Variants in TSHZ3 observed in about 807,000 individuals in gnomAD.
TSHZ3 encodes teashirt zinc finger homeobox 3.
In TSHZ3, 10 loss-of-function variants were observed where a neutral mutation model predicts 64.5. The observed-to-expected ratio is 0.16, with a 90% confidence interval of 0.10 to 0.26. TSHZ3 has a LOEUF of 0.26. Among genes scored for constraint, TSHZ3 ranks in the 10% least tolerant of loss-of-function variants. The pLI, the probability that TSHZ3 is intolerant of heterozygous loss-of-function variation, is 1.00. For synonymous variants in TSHZ3, 608 were observed against 593.1 expected, an observed-to-expected ratio of 1.03 and a Z score of -0.36; for missense variants, 1,242 against 1,421.7, an observed-to-expected ratio of 0.87 and a Z score of 2.03.
rs999769397 is a variant in TSHZ3 at position 31,276,521 on chromosome 19, G to A, written c.*26C>T. 7 of 1,524,790 alleles carry A rather than the reference G, an allele frequency of 4.6e-6. No individual in the cohort carries two copies. In the Admixed American group the frequency reaches 1.0e-4, roughly 23 times the overall value. 94.5% of individuals were successfully genotyped at this position (1,524,790 alleles called of 1,614,324 possible). ...TCCACAGTTTCCCTCAAAGCAAACT[G>A]CAGTCCTTTCTATCAAAAGCAAATG... On this transcript the variant is annotated 3_prime_UTR_variant, in exon 2 of 2. Transcript: ENST00000240587.
intron 5 of TSHZ3, among the ~76,000 whole-genome samples, chr19:31,165,241 G>T (rs1474603865): frequency 1.3e-5 from 2 of 152,122 alleles, no homozygotes; most frequent in Non-Finnish European, 2.9e-5. Flanking sequence ...CCATGGAAAG[G>T]AAAAAAGGAA....
intron 5 of TSHZ3, among the ~76,000 whole-genome samples, chr19:31,168,141 T>C (rs1974481838): frequency 1.3e-5 from 2 of 152,314 alleles, no homozygotes; most frequent in South Asian, 2.1e-4. Flanking sequence ...ATTGACATAA[T>C]TGATCTAGTA....
At chr19:31,163,028 A>T (rs1974390316) in intron 5 of TSHZ3, among the ~76,000 whole-genome samples, 1 of 152,200 alleles carries the variant, frequency 6.6e-6, no homozygotes, top group African/African-American at 2.4e-5. Flanking sequence ...CATTCCTAGG[A>T]GCTGCAATTG....
intron 1 of TSHZ3, among the ~76,000 whole-genome samples, chr19:31,336,715 T>A (rs1599657008): frequency 6.6e-6 from 1 of 152,130 alleles, no homozygotes. Context: ...AGGGAACAGA[T>A]GCGGGGCACC....
intron 1 of TSHZ3, among the ~76,000 whole-genome samples, chr19:31,284,718 C>T (rs924108098): frequency 2.0e-5 from 3 of 152,172 alleles, no homozygotes; most frequent in Non-Finnish European, 2.9e-5. Flanking sequence ...GTCCCCTTAT[C>T]CATGGGGATC....
At chr19:31,200,157 G>T (rs1975058437) in intron 5 of TSHZ3, among the ~76,000 whole-genome samples, 1 of 151,974 alleles carries the variant, frequency 6.6e-6, no homozygotes, top group Non-Finnish European at 1.5e-5. Flanking sequence ...AAGATAGTTT[G>T]GGATTTTCTT....
At chr19:31,252,082 A>G (rs1429406778) in intron 1 of TSHZ3, among the ~76,000 whole-genome samples, 2 of 152,174 alleles carry the variant, frequency 1.3e-5, no homozygotes, top group Non-Finnish European at 2.9e-5. Context: ...TCTAAGTCTC[A>G]GTGTGTAAAT....
chr19:31,291,402 C>T (rs1340420375), intron 1 of TSHZ3, among the ~76,000 whole-genome samples: 2 of 152,208 alleles, frequency 1.3e-5, no homozygotes, highest in Non-Finnish European at 2.9e-5. Context: ...ATCTCCCTCC[C>T]TTCCCAGCAC....
At chr19:31,208,194 TG>T (rs1472948280) in intron 4 of TSHZ3, among the ~76,000 whole-genome samples, 1 of 152,172 alleles carries the variant, frequency 6.6e-6, no homozygotes, top group Admixed American at 6.5e-5. Flanking sequence ...GGATATGAAT[TG>T]GTTTAGGATA....
intron 1 of TSHZ3, among the ~76,000 whole-genome samples, chr19:31,313,068 A>T (rs755197846): frequency 4.6e-5 from 7 of 152,186 alleles, no homozygotes; most frequent in Non-Finnish European, 7.3e-5. Flanking sequence ...GTATGCAGAA[A>T]CGTCAAACAG....
intron 3 of TSHZ3, among the ~76,000 whole-genome samples, chr19:31,230,660 A>G (rs1276678007): frequency 6.8e-6 from 1 of 147,124 alleles, no homozygotes; most frequent in African/African-American, 2.5e-5. Context: ...TGGAGTCAGC[A>G]GCCCCATCAC....
intron 5 of TSHZ3, among the ~76,000 whole-genome samples, chr19:31,157,428 T>C (rs1974319324): frequency 6.6e-6 from 1 of 152,186 alleles, no homozygotes; most frequent in South Asian, 2.1e-4. Context: ...CTTTTTGCTC[T>C]AAAAGGTTAG....
At chr19:31,337,002 T>C (rs946450990) in intron 1 of TSHZ3, among the ~76,000 whole-genome samples, 6 of 139,358 alleles carry the variant, frequency 4.3e-5, no homozygotes, top group African/African-American at 8.2e-5. Flanking sequence ...CCTTTCTTTT[T>C]CTTTTTTTCT....
chr19:31,291,369 T>C (rs73927339), intron 1 of TSHZ3, among the ~76,000 whole-genome samples: 1,736 of 152,306 alleles, frequency 0.011, 26 homozygotes, highest in African/African-American at 0.039. Context: ...TGTACCACCG[T>C]CTAGCAGCTC....
At chr19:31,272,055 AT>A (rs1433682918), downstream of TSHZ3, among the ~76,000 whole-genome samples, 1 of 152,182 alleles carries the variant, frequency 6.6e-6, no homozygotes, top group African/African-American at 2.4e-5. Context: ...GAGAAAAAAA[AT>A]CATTGGATTT....
intron 1 of TSHZ3, among the ~76,000 whole-genome samples, chr19:31,318,968 C>A (rs975635361): frequency 1.3e-5 from 2 of 152,218 alleles, no homozygotes; most frequent in Non-Finnish European, 2.9e-5. Context: ...ACAATCCTAC[C>A]ACCCTGGTGC....
intron 1 of TSHZ3, among the ~76,000 whole-genome samples, chr19:31,260,333 C>G (rs142047761): frequency 7.2e-5 from 11 of 152,338 alleles, no homozygotes; most frequent in African/African-American, 2.6e-4. Flanking sequence ...CCCTGCCTAA[C>G]TAAGTACAGC....
intron 1 of TSHZ3, among the ~76,000 whole-genome samples, chr19:31,322,212 T>A (rs959211168): frequency 6.6e-6 from 1 of 152,212 alleles, no homozygotes; most frequent in African/African-American, 2.4e-5. Context: ...CTTGGCCTAT[T>A]GCAATCTCTA....
intron 5 of TSHZ3, among the ~76,000 whole-genome samples, chr19:31,193,219 C>T (rs1974938585): frequency 6.6e-6 from 1 of 152,174 alleles, no homozygotes; most frequent in Non-Finnish European, 1.5e-5. Context: ...TATGACGCGA[C>T]ATATCTGGCC....
Sources: allele counts gnomAD v4.1 joint callset (sites outside exome capture counted in the v4.1 genomes callset), GRCh38; gene constraint gnomAD v4.1.1; transcripts MANE v1.5; gene names NCBI Gene and HGNC (gene_info 2026-07-23, HGNC 2026-07-21).